The following TBC1D22A variants were observed in gnomAD, a reference collection of about 807,000 sequenced individuals.
The protein encoded by TBC1D22A is putative GTPase activator.
Under a neutral mutation model 60.2 loss-of-function variants are expected in TBC1D22A, and 38 were observed. The ratio of observed to expected loss-of-function variants is 0.63; its 90% CI spans 0.49 to 0.83. The LOEUF (loss-of-function observed/expected upper bound fraction) is 0.83. Among genes scored for constraint, TBC1D22A ranks in the 40% least tolerant of loss-of-function variants. The probability of loss-of-function intolerance (pLI) is 0.00; values close to 1 mark genes in which losing one functional copy is unlikely to be tolerated. For missense variants in TBC1D22A, 628 were observed against 701.0 expected (o/e 0.90, Z 1.18); for synonymous variants, 302 against 281.7 (o/e 1.07, Z -0.72).
intron 11 of TBC1D22A, among the ~76,000 whole-genome samples, chr22:47,088,358 C>T (rs1603254037): frequency 6.6e-6 from 1 of 152,212 alleles, no homozygotes; most frequent in East Asian, 1.9e-4. Context: ...CTCATAGACT[C>T]TTGGGTCATG....
At chr22:47,087,141 G>A (rs1402038772) in intron 11 of TBC1D22A, among the ~76,000 whole-genome samples, 5 of 152,226 alleles carry the variant, frequency 3.3e-5, no homozygotes, top group African/African-American at 1.2e-4. Flanking sequence ...GGTTGGCAGA[G>A]TATGAGCGTA....
intron 11 of TBC1D22A, among the ~76,000 whole-genome samples, chr22:47,039,685 A>G (rs9615121): frequency 3.0e-5 from 4 of 134,700 alleles, no homozygotes; most frequent in Non-Finnish European, 4.7e-5. Context: ...GTGCTCCCTC[A>G]TGGATGCGTG....
intron 12 of TBC1D22A, among the ~76,000 whole-genome samples, chr22:47,114,612 A>G (rs1245552758): frequency 1.3e-5 from 2 of 152,080 alleles, no homozygotes; most frequent in African/African-American, 4.8e-5. Context: ...TTCCGCATCC[A>G]TGGGAGGCCA....
chr22:46,817,212 C>T (rs1397125679), intron 4 of TBC1D22A, among the ~76,000 whole-genome samples: 5 of 151,712 alleles, frequency 3.3e-5, no homozygotes, highest in Admixed American at 6.6e-5. Context: ...TGGATGAGTC[C>T]AATTCCCTAT....
intron 11 of TBC1D22A, among the ~76,000 whole-genome samples, chr22:47,061,081 A>G (rs1055119237): frequency 1.7e-4 from 25 of 150,800 alleles, no homozygotes; most frequent in Non-Finnish European, 4.4e-5. Context: ...CGGTCCTGGA[A>G]AGGTTGAGCC....
intron 12 of TBC1D22A, among the ~76,000 whole-genome samples, chr22:47,131,090 C>T (rs1237815449): frequency 1.3e-5 from 2 of 152,306 alleles, no homozygotes; most frequent in Non-Finnish European, 2.9e-5. Flanking sequence ...CCTGAACTAA[C>T]AGAGCAAGAG....
At chr22:47,027,176 C>T (rs903494222) in intron 10 of TBC1D22A, among the ~76,000 whole-genome samples, 2 of 152,060 alleles carry the variant, frequency 1.3e-5, no homozygotes, top group Admixed American at 6.5e-5. Flanking sequence ...ATTTGTTATG[C>T]GTATAATCGT....
intron 12 of TBC1D22A, among the ~76,000 whole-genome samples, chr22:47,148,350 A>C (rs1182502231): frequency 6.6e-6 from 1 of 151,228 alleles, no homozygotes; most frequent in African/African-American, 2.5e-5. Context: ...AAAAAAAAAA[A>C]ACAGAAGCAG....
intron 10 of TBC1D22A, 127 bp from the exon 11 acceptor site, chr22:47,036,944 G>A (rs1055545301): frequency 1.6e-5 from 18 of 1,092,468 alleles, no homozygotes; most frequent in Middle Eastern, 5.3e-4. Context: ...GGGGGTTGTT[G>A]CTTGGGATTC....
chr22:46,791,744 C>G (rs1440321656), intron 1 of TBC1D22A, among the ~76,000 whole-genome samples: 1 of 152,150 alleles, frequency 6.6e-6, no homozygotes, highest in East Asian at 1.9e-4. Flanking sequence ...GCATGTAAGA[C>G]TTTTATAGTA....
chr22:46,954,927 C>T (rs1164860953), intron 8 of TBC1D22A, among the ~76,000 whole-genome samples: 1 of 152,150 alleles, frequency 6.6e-6, no homozygotes, highest in African/African-American at 2.4e-5. Flanking sequence ...AGGGGTTATC[C>T]TTGTGATATT....
intron 1 of TBC1D22A, among the ~76,000 whole-genome samples, chr22:46,787,052 A>T (rs1255229957): frequency 6.6e-6 from 1 of 151,900 alleles, no homozygotes; most frequent in East Asian, 1.9e-4. Flanking sequence ...AGTAAGTTTC[A>T]GTTGTGTGTA....
chr22:46,954,388 A>G lies in TBC1D22A; in HGVS notation c.1016-19902A>G, dbSNP rs559166130. ...AGTGTTTCTTGGTTGGGGTGTGCTC[A>G]TTCCTATCTGTTGAATGAACGAATT... On this transcript the variant is annotated intron_variant, in intron 8 of 12. Coordinates refer to ENST00000337137, the MANE Select transcript of TBC1D22A (RefSeq NM_014346.5). 3.7e-4 allele frequency among the ~76,000 whole-genome samples: 57 copies of G among 152,378 alleles called. 1 individual carries two copies. Among genetic ancestry groups the G allele is most frequent in the African/African-American group, 1.3e-3 (55 of 41,596 alleles).
At chr22:46,912,560 C>G (rs1433584772) in intron 8 of TBC1D22A, among the ~76,000 whole-genome samples, 1 of 152,092 alleles carries the variant, frequency 6.6e-6, no homozygotes, top group Non-Finnish European at 1.5e-5. Context: ...ATCTGTTTAT[C>G]TATCTGTTTA....
chr22:47,026,819 T>C (rs2148357542), intron 10 of TBC1D22A, among the ~76,000 whole-genome samples: 1 of 152,330 alleles, frequency 6.6e-6, no homozygotes, highest in South Asian at 2.1e-4. Context: ...CTCACCAAAC[T>C]GATCATACAT....
rs529011392 is a variant in TBC1D22A at position 46,783,370 on chromosome 22, C to T, written c.63-9150C>T. Among the ~76,000 whole-genome samples the T allele has an allele frequency of 3.3e-5, 5 of 152,340 alleles. No homozygotes were observed. The South Asian group carries it at 8.3e-4, about 25-fold the overall frequency. On this transcript the variant is annotated intron_variant, in intron 1 of 12. Transcript: ENST00000337137. ...GTCCAGGCCACGCACACCTCACCTT[C>T]ACAGAGCCAGAGCGATCTTTAAAAA...
At chr22:47,115,304 G>A (rs921216575) in intron 12 of TBC1D22A, among the ~76,000 whole-genome samples, 3 of 152,188 alleles carry the variant, frequency 2.0e-5, no homozygotes, top group Non-Finnish European at 4.4e-5. Context: ...CAGGCTATAT[G>A]TATGTGGCTC....
chr22:46,906,693 G>A (rs1160129810), intron 7 of TBC1D22A, among the ~76,000 whole-genome samples: 1 of 152,144 alleles, frequency 6.6e-6, no homozygotes. Flanking sequence ...TGCTCGCTCC[G>A]TTTCTCAGCC....
At chr22:46,875,802 C>G (rs1291432575) in intron 4 of TBC1D22A, among the ~76,000 whole-genome samples, 1 of 152,090 alleles carries the variant, frequency 6.6e-6, no homozygotes, top group Non-Finnish European at 1.5e-5. Flanking sequence ...AAATATCACG[C>G]CCCCCAACAA....
Sources: gnomAD v4.1 joint callset for allele counts (sites outside exome capture counted in the v4.1 genomes callset) on GRCh38, gnomAD v4.1.1 for gene constraint, MANE v1.5 for transcripts, NCBI Gene and HGNC (gene_info 2026-07-23, HGNC 2026-07-21) for gene names.